Variants in DYM observed in about 807,000 individuals in gnomAD.
DYM encodes the protein dymeclin.
A neutral mutation model predicts 93.1 loss-of-function variants in DYM; 78 were observed. The ratio of observed to expected loss-of-function variants is 0.84; its 90% CI spans 0.70 to 1.01. The LOEUF is 1.01. DYM is among the 50% of genes least tolerant of loss of function. DYM has a pLI of 0.00. For missense variants in DYM, 789 were observed against 845.0 expected (o/e 0.93, Z 0.82); for synonymous variants, 321 against 319.7 (o/e 1.00, Z -0.04).
intron 3 of DYM, among the ~76,000 whole-genome samples, chr18:49,385,160 G>A (rs1435811567): frequency 1.5e-4 from 23 of 152,184 alleles, no homozygotes; most frequent in East Asian, 3.9e-4. Flanking sequence ...GAGGATACCC[G>A]GCTCCTGAAA....
chr18:49,219,394 T>A (rs1013137377), intron 13 of DYM, among the ~76,000 whole-genome samples: 1 of 152,226 alleles, frequency 6.6e-6, no homozygotes, highest in African/African-American at 2.4e-5. Context: ...GAACCCTCCC[T>A]AACTCATTTT....
chr18:49,039,771 A>T lies in DYM; in HGVS notation c.*4284T>A, dbSNP rs2070839644. 6.6e-6 allele frequency among the ~76,000 whole-genome samples: 1 copy of T among 152,214 alleles called. No homozygotes were observed. Among genetic ancestry groups the T allele is most frequent in the African/African-American group, 2.4e-5 (1 of 41,454 alleles). On this transcript the variant is annotated 3_prime_UTR_variant, in exon 18 of 18. Transcript: ENST00000675505. ...TTACAGTTTCTAACTCTCTGTTGAA[A>T]TTCTTGACCATGCGTCTCATTTTTT...
chr18:49,107,139 G>C (rs563074161), intron 16 of DYM, among the ~76,000 whole-genome samples: 21 of 151,968 alleles, frequency 1.4e-4, no homozygotes, highest in African/African-American at 5.1e-4. Context: ...TTCTCTTCTC[G>C]CTTCATTTCA....
chr18:49,226,796 C>T (rs746594816), intron 13 of DYM, among the ~76,000 whole-genome samples: 9 of 152,118 alleles, frequency 5.9e-5, no homozygotes, highest in Non-Finnish European at 8.8e-5. Context: ...AAAACTATGA[C>T]TCCCACAGAT....
rs192320932 is a variant in DYM, at chr18:49,433,958, C to A, written c.-53-3511G>T. Among the ~76,000 whole-genome samples the A allele has an allele frequency of 8.5e-5, 13 of 152,220 alleles. No individual in the cohort carries two copies. In the East Asian group the frequency reaches 2.5e-3, roughly 29 times the overall value. On this transcript the variant is annotated intron_variant, in intron 1 of 17. Transcript: ENST00000675505. Reference sequence around the variant, plus strand: ...GGCGCGGTCGCTCACACCTGTAATTCCAGCACCCTGAGAGGCCAAGGCGGA... The same window carrying A: ...GGCGCGGTCGCTCACACCTGTAATTACAGCACCCTGAGAGGCCAAGGCGGA...
intron 17 of DYM, among the ~76,000 whole-genome samples, chr18:49,073,752 C>A (rs1314085019): frequency 6.6e-6 from 1 of 152,158 alleles, no homozygotes; most frequent in Non-Finnish European, 1.5e-5. Flanking sequence ...TGGGGGAATG[C>A]CAATGAGCCC....
chr18:49,402,064 T>C (rs1375706488), intron 2 of DYM, among the ~76,000 whole-genome samples: 1 of 151,402 alleles, frequency 6.6e-6, no homozygotes, highest in Non-Finnish European at 1.5e-5. Context: ...TGTTCACAAC[T>C]ATAGAGGAAG....
At chr18:49,299,032 AC>A (rs1371879359) in intron 8 of DYM, among the ~76,000 whole-genome samples, 1 of 152,198 alleles carries the variant, frequency 6.6e-6, no homozygotes, top group Non-Finnish European at 1.5e-5. Flanking sequence ...AGAGGGGCAG[AC>A]AACCCTTCCT....
intron 1 of DYM, among the ~76,000 whole-genome samples, chr18:49,454,556 G>A (rs2082805899): frequency 6.6e-6 from 1 of 151,974 alleles, no homozygotes; most frequent in East Asian, 1.9e-4. Flanking sequence ...ATGCATGATC[G>A]AACCAATCTG....
chr18:49,418,613 G>C (rs567220369), intron 2 of DYM, among the ~76,000 whole-genome samples: 2 of 152,248 alleles, frequency 1.3e-5, no homozygotes, highest in East Asian at 1.9e-4. Context: ...AGCAAACATC[G>C]ATTTTTGGCT....
At chr18:49,362,048 TAGAGAC>T (rs1440746923) in intron 6 of DYM, among the ~76,000 whole-genome samples, 1 of 147,918 alleles carries the variant, frequency 6.8e-6, no homozygotes, top group Non-Finnish European at 1.5e-5. Flanking sequence ...TTTTTTTAAG[TAGAGAC>T]AGGGTCTCAC....
At chr18:49,193,761 T>C (rs1183792938) in intron 14 of DYM, among the ~76,000 whole-genome samples, 2 of 152,230 alleles carry the variant, frequency 1.3e-5, no homozygotes, top group Non-Finnish European at 2.9e-5. Context: ...TTTCGGCTTG[T>C]TGTGTGATCA....
At chr18:49,282,324 T>G in intron 9 of DYM, 149 bp from the exon 10 acceptor site, 1 of 905,148 alleles carries the variant, frequency 1.1e-6, no homozygotes, top group Non-Finnish European at 1.7e-6. Context: ...TATGTAAAAT[T>G]TACTTTAGGG....
At chr18:49,409,739 T>A (rs556592946) in intron 2 of DYM, among the ~76,000 whole-genome samples, 1 of 152,342 alleles carries the variant, frequency 6.6e-6, no homozygotes, top group East Asian at 1.9e-4. Flanking sequence ...GACCATCTAA[T>A]AAACTAAATA....
In DYM at chr18:49,443,392, G is replaced by A. The variant is rs183539557; in HGVS notation, c.-53-12945C>T. Among the ~76,000 whole-genome samples the A allele has an allele frequency of 7.5e-4, 114 of 152,020 alleles. 1 individual carries two copies. Among genetic ancestry groups the A allele is most frequent in the African/African-American group, 2.6e-3 (109 of 41,472 alleles). On this transcript the variant is annotated intron_variant, in intron 1 of 17. Coordinates refer to ENST00000675505, the MANE Select transcript of DYM (RefSeq NM_001353214.3). ...AGTGCACCACAAATCTCAATGACACGGTTTACTCAACAGCATTTCAAGTGT... is the reference window on the plus strand; with the variant it reads ...AGTGCACCACAAATCTCAATGACACAGTTTACTCAACAGCATTTCAAGTGT...
chr18:49,263,123 CTT>C (rs879595240), intron 11 of DYM, among the ~76,000 whole-genome samples: 2 of 144,190 alleles, frequency 1.4e-5, no homozygotes, highest in Non-Finnish European at 3.0e-5. Context: ...TGAATATCTT[CTT>C]TTTTTTTTTT....
intron 15 of DYM, among the ~76,000 whole-genome samples, chr18:49,119,517 A>G (rs2082194373): frequency 6.6e-6 from 1 of 152,234 alleles, no homozygotes; most frequent in African/African-American, 2.4e-5. Flanking sequence ...TGGAAAGAGC[A>G]AGCACATGGG....
At chr18:49,139,846 C>A (rs572856109) in intron 15 of DYM, among the ~76,000 whole-genome samples, 1 of 152,094 alleles carries the variant, frequency 6.6e-6, no homozygotes, top group South Asian at 2.1e-4. Context: ...TCTCAGAACA[C>A]GATGAATCCT....
chr18:49,331,747 A>T, intron 8 of DYM, 117 bp downstream of exon 8: 1 of 1,112,026 alleles, frequency 9.0e-7, no homozygotes, highest in Non-Finnish European at 1.4e-6. Flanking sequence ...ACATTGAACC[A>T]GCTGCACAAA....
Sources: allele counts gnomAD v4.1 joint callset (sites outside exome capture counted in the v4.1 genomes callset), GRCh38; gene constraint gnomAD v4.1.1; transcripts MANE v1.5; gene names NCBI Gene and HGNC (gene_info 2026-07-23, HGNC 2026-07-21).